EXOC7: variants seen among roughly 807,000 people sequenced by gnomAD.
The protein encoded by EXOC7 is exocyst complex component Exo70.
EXOC7 carries 51 observed loss-of-function variants against 87.6 expected under a neutral mutation model. The ratio of observed to expected loss-of-function variants is 0.58; its 90% CI spans 0.46 to 0.73. The LOEUF (loss-of-function observed/expected upper bound fraction) is 0.73. EXOC7 is among the 30% of genes least tolerant of loss of function. The pLI is 0.00. For missense variants in EXOC7, 744 were observed against 888.4 expected (o/e 0.84, Z 2.07); for synonymous variants, 327 against 357.1 (o/e 0.92, Z 0.95).
intron 15 of EXOC7, 28 bp from the exon 16 acceptor site, chr17:76,084,608 G>A (rs2067127496): frequency 2.5e-6 from 4 of 1,603,508 alleles, no homozygotes; most frequent in Non-Finnish European, 3.4e-6. Context: ...AAGCATGAGG[G>A]CAGAGGGTGG....
intron 4 of EXOC7, 35 bp downstream of exon 4, chr17:76,101,236 C>T: frequency 6.2e-7 from 1 of 1,614,016 alleles, no homozygotes; most frequent in Non-Finnish European, 8.5e-7. Context: ...GACTGATATC[C>T]CCAAGCTTCT....
chr17:76,090,403 G>C (rs969913815), intron 7 of EXOC7: 14 of 1,551,606 alleles, frequency 9.0e-6, no homozygotes, highest in African/African-American at 4.1e-5. Flanking sequence ...GTGACCTGGC[G>C]AGATGTCGGC....
At chr17:76,094,158 G>A in intron 6 of EXOC7, 1 of 388,784 alleles carries the variant, frequency 2.6e-6, no homozygotes, top group Non-Finnish European at 4.6e-6. Flanking sequence ...GGGATTCGCT[G>A]AGCACCTGTG....
intron 5 of EXOC7, among the ~76,000 whole-genome samples, chr17:76,096,138 C>T (rs1255758429): frequency 6.6e-6 from 1 of 152,176 alleles, no homozygotes; most frequent in Non-Finnish European, 1.5e-5. Flanking sequence ...GACCTGCCGC[C>T]ACACAGTTCT....
rs1479163865 is a variant in EXOC7, at chr17:76,082,472, G to A, written c.*1176C>T. The A allele has an allele frequency of 6.2e-7, 1 of 1,611,604 alleles. No homozygotes were observed. Among genetic ancestry groups the A allele is most frequent in the East Asian group, 2.2e-5 (1 of 44,846 alleles). On this transcript the variant is annotated 3_prime_UTR_variant, in exon 19 of 19. Transcript: ENST00000589210. ...GTATCTCTCCCCACAGAGCCCTCCA[G>A]AGGAGTAAAGGGGTCACAGAGAAGC...
rs182485939 is a variant in EXOC7 at position 76,082,119 on chromosome 17, G to A, written c.*1529C>T. Reference sequence around the variant, plus strand: ...CTAGGGCTGGGGTGAGGGCACGGAGGTCCAGGTGTGGGTAGAGGCCCCTTG... The same window carrying A: ...CTAGGGCTGGGGTGAGGGCACGGAGATCCAGGTGTGGGTAGAGGCCCCTTG... On this transcript the variant is annotated 3_prime_UTR_variant, in exon 19 of 19. Transcript: ENST00000589210. 4 of 1,507,492 alleles carry A rather than the reference G, an allele frequency of 2.7e-6. No individual in the cohort carries two copies. In the African/African-American group the frequency reaches 5.7e-5, roughly 21 times the overall value. 93.4% of individuals were successfully genotyped at this position (1,507,492 alleles called of 1,614,324 possible). A position where few individuals can be genotyped will look rare whatever the true frequency, so the allele number is the denominator to read the frequency against.
chr17:76,097,877 T>A lies in EXOC7; in HGVS notation c.559A>T (p.Thr187Ser), dbSNP rs781750936. 6.2e-7 allele frequency: 1 copy of A among 1,613,880 alleles called. No homozygotes were observed. The highest frequency in any genetic ancestry group is 1.1e-5 in the South Asian group (1 of 91,074). The change falls in exon 5 of 19, where the codon ACC becomes TCC. Residue 187 changes from threonine (T) to serine (S), a missense_variant. This residue lies in a region of EXOC7 where 512 missense variants were observed against 573.0 expected (regional missense o/e 0.89). Coordinates refer to ENST00000589210, the MANE Select transcript of EXOC7 (RefSeq NM_001013839.4). ...ACGCTCTCGGGCAGGTGCTCCAGGG[T>A]CACGTCCTCCTGGGCCTCCAGATCA... is the stretch of plus-strand genomic sequence containing the variant. ...DDDLEAQEDV[T>S]LEHLPESVLQ... is the part of the protein sequence containing the mutation.
intron 15 of EXOC7, chr17:76,085,107 G>A: frequency 3.4e-6 from 2 of 584,164 alleles, no homozygotes; most frequent in Non-Finnish European, 6.1e-6. Context: ...CCTCTAAAGT[G>A]GCCATAGTGG....
intron 4 of EXOC7, among the ~76,000 whole-genome samples, chr17:76,099,155 A>G (rs1452190237): frequency 6.6e-6 from 1 of 152,198 alleles, no homozygotes; most frequent in Non-Finnish European, 1.5e-5. Flanking sequence ...AGCATTATTC[A>G]CAAGAGACAA....
intron 12 of EXOC7, chr17:76,086,719 G>T (rs1017082162): frequency 6.9e-6 from 5 of 729,178 alleles, no homozygotes; most frequent in African/African-American, 5.3e-5. Context: ...AGCAGAGAGA[G>T]TTGAGAGCAC....
At chr17:76,098,124 C>G in intron 4 of EXOC7, 106 bp from the exon 5 acceptor site, 1 of 873,460 alleles carries the variant, frequency 1.1e-6, no homozygotes. Flanking sequence ...AGGGCCTCTG[C>G]CCTTTTCTGC....
intron 15 of EXOC7, 170 bp from the exon 16 acceptor site, chr17:76,084,750 C>T: frequency 1.6e-6 from 1 of 616,780 alleles, no homozygotes; most frequent in East Asian, 2.8e-5. Flanking sequence ...AATCTTTAAA[C>T]TGGTCACTTT....
Position 76,083,492 on chromosome 17 carries a change from G to A in EXOC7, c.*156C>T. On this transcript the variant is annotated 3_prime_UTR_variant, in exon 19 of 19. Transcript: ENST00000589210. Reference sequence around the variant, plus strand: ...GGCTGTGGGGAAAAAGCAGGAGCCAGGACTAGGGGGCTCAGGGACACAGCT... The same window carrying A: ...GGCTGTGGGGAAAAAGCAGGAGCCAAGACTAGGGGGCTCAGGGACACAGCT... The A allele has an allele frequency of 1.4e-6, 1 of 697,006 alleles. No homozygotes were observed. The highest frequency in any genetic ancestry group is 2.3e-5 in the Admixed American group (1 of 43,918). 43.2% of individuals were successfully genotyped at this position (697,006 alleles called of 1,614,324 possible).
rs1356479482 is a variant in EXOC7 at position 76,085,775 on chromosome 17, C to T, written c.1518G>A (p.Gln506=). The change falls in exon 14 of 19, where the codon CAG becomes CAA. Residue 506 remains glutamine, a synonymous_variant. Transcript: ENST00000589210. ...TYICKVLGNL[Q]LNLLSKSKVY... is the part of the protein sequence containing the mutation. ...CCTTGGACTTGCTCAGCAAGTTCAA[C>T]TGCAGGTTGCCCAGCACTTTACCTG... 2 of 1,613,466 alleles carry T rather than the reference C, an allele frequency of 1.2e-6. No individual in the cohort carries two copies. Among genetic ancestry groups the T allele is most frequent in the Non-Finnish European group, 1.7e-6 (2 of 1,179,832 alleles).
Position 76,081,330 on chromosome 17 carries a change from G to C in EXOC7, c.*2318C>G, listed in dbSNP as rs767026497. On this transcript the variant is annotated 3_prime_UTR_variant, in exon 19 of 19. Transcript: ENST00000589210. Reference sequence around the variant, plus strand: ...TGGTGAACGAGATTGTGAGTGTCAAGAGGGAATACGTAGTTTATGATCTGA... The same window carrying C: ...TGGTGAACGAGATTGTGAGTGTCAACAGGGAATACGTAGTTTATGATCTGA... The C allele has an allele frequency of 6.2e-6, 10 of 1,614,188 alleles. No homozygotes were observed. Among genetic ancestry groups the C allele is most frequent in the Admixed American group, 1.7e-5 (1 of 60,028 alleles).
rs967576360 is a variant in EXOC7, at chr17:76,103,722, A to C, written c.-30T>G. ...CTGAACCCCGCGGCTCCCACTCCCC[A>C]GTATCTTTCCTCCGCGGGCCCACCG... On this transcript the variant is annotated 5_prime_UTR_variant, in exon 1 of 19. Transcript: ENST00000589210. 2 of 1,586,162 alleles carry C rather than the reference A, an allele frequency of 1.3e-6. No homozygotes were observed. The highest frequency in any genetic ancestry group is 2.7e-5 in the African/African-American group (2 of 73,752).
At position 76,084,159 on chromosome 17, in the gene EXOC7, A is replaced by G. The variant is rs748438182; in HGVS notation, c.1819-20T>C. The G allele has an allele frequency of 6.3e-7, 1 of 1,593,302 alleles. No individual in the cohort carries two copies. On this transcript the variant is annotated intron_variant, in intron 17 of 18. Transcript: ENST00000589210. ...GAAGCCCTGGCCACCAAAAAGGTGA[A>G]AAAGGAAGGCACCCAGAGACAAACA... is the stretch of plus-strand genomic sequence containing the variant.
In EXOC7 at chr17:76,085,493, C is replaced by T. The variant is rs530652616; in HGVS notation, c.1617-84G>A. 5.3e-6 allele frequency: 8 copies of T among 1,497,974 alleles called. No individual in the cohort carries two copies. In the East Asian group the frequency reaches 1.8e-4, roughly 35 times the overall value. 92.8% of individuals were successfully genotyped at this position (1,497,974 alleles called of 1,614,324 possible). ...GCTGCGGCAATGCCGGGAGGGCCTC[C>T]CATTGCACCCCAAACTCCACAAGCT... is the stretch of plus-strand genomic sequence containing the variant. On this transcript the variant is annotated intron_variant, in intron 14 of 18. Coordinates refer to ENST00000589210, the MANE Select transcript of EXOC7 (RefSeq NM_001013839.4).
At chr17:76,084,698 T>C (rs947174249) in intron 15 of EXOC7, 118 bp from the exon 16 acceptor site, 2 of 799,318 alleles carry the variant, frequency 2.5e-6, no homozygotes, top group Non-Finnish European at 4.1e-6. Flanking sequence ...GGGATGTGGG[T>C]CACAACTAAG....
Sources: gnomAD v4.1 joint callset for allele counts (sites outside exome capture counted in the v4.1 genomes callset) on GRCh38, gnomAD v4.1.1 for gene constraint, gnomAD v4.1.1 regional missense constraint, MANE v1.5 for transcripts, NCBI Gene and HGNC (gene_info 2026-07-23, HGNC 2026-07-21) for gene names.